IGF2BP2: variants seen among roughly 807,000 people sequenced by gnomAD.
The protein encoded by IGF2BP2 is insulin like growth factor 2 mRNA binding protein 2.
IGF2BP2 carries 17 observed loss-of-function variants against 75.8 expected under a neutral mutation model. The ratio of observed to expected loss-of-function variants is 0.22; its 90% CI spans 0.15 to 0.34. IGF2BP2 has a LOEUF of 0.34. Among genes scored for constraint, IGF2BP2 ranks in the 10% least tolerant of loss-of-function variants. IGF2BP2 has a pLI of 1.00. For synonymous variants in IGF2BP2, 288 were observed against 295.6 expected, an observed-to-expected ratio of 0.97 and a Z score of 0.26; for missense variants, 516 against 772.4, an observed-to-expected ratio of 0.67 and a Z score of 3.93.
At chr3:185,751,570 A>G (rs1730970517) in intron 2 of IGF2BP2, among the ~76,000 whole-genome samples, 1 of 151,844 alleles carries the variant, frequency 6.6e-6, no homozygotes, top group Admixed American at 6.6e-5. Context: ...TGCTTGAGGC[A>G]GGAGACGGAG....
intron 4 of IGF2BP2, among the ~76,000 whole-genome samples, chr3:185,694,562 T>C (rs189168464): frequency 1.4e-4 from 22 of 152,320 alleles, no homozygotes; most frequent in Middle Eastern, 3.4e-3. Flanking sequence ...GAATCACTCA[T>C]GTAACAGGAC....
At chr3:185,811,930 G>A (rs1739944470) in intron 2 of IGF2BP2, among the ~76,000 whole-genome samples, 1 of 150,154 alleles carries the variant, frequency 6.7e-6, no homozygotes, top group Non-Finnish European at 1.5e-5. Context: ...TTAACAACAC[G>A]TAGCTAAATT....
rs35418660 is a variant in IGF2BP2, at chr3:185,769,830, C to CAAA, written c.239+53320_239+53322dup. ...GGATGATAGAATGAGACCCTGTCTCCAAAAAAAAAAAAAAAAAAAAAAAGA... is the reference window on the plus strand; with the variant it reads ...GGATGATAGAATGAGACCCTGTCTCCAAAAAAAAAAAAAAAAAAAAAAAAAAGA... On this transcript the variant is annotated intron_variant, in intron 2 of 15. Transcript: ENST00000382199. Among the ~76,000 whole-genome samples, 322 of 77,120 alleles carry CAAA rather than the reference C, an allele frequency of 4.2e-3. 1 individual carries two copies. Among genetic ancestry groups the CAAA allele is most frequent in the African/African-American group, 5.1e-3 (107 of 20,804 alleles). The allele number at this position is 77,120 out of a possible 152,430, so 50.6% of individuals were successfully genotyped here.
At chr3:185,669,986 T>C (rs1476493495) in intron 10 of IGF2BP2, among the ~76,000 whole-genome samples, 1 of 152,220 alleles carries the variant, frequency 6.6e-6, no homozygotes, top group Non-Finnish European at 1.5e-5. Flanking sequence ...TCCATGCCAT[T>C]GGACCTGCAC....
chr3:185,774,163 T>C (rs1216896364), intron 2 of IGF2BP2, among the ~76,000 whole-genome samples: 1 of 152,110 alleles, frequency 6.6e-6, no homozygotes, highest in Non-Finnish European at 1.5e-5. Flanking sequence ...GTTCATACAA[T>C]TGAGGCGGGT....
chr3:185,729,394 C>T (rs1373475676), intron 2 of IGF2BP2, among the ~76,000 whole-genome samples: 1 of 152,186 alleles, frequency 6.6e-6, no homozygotes, highest in African/African-American at 2.4e-5. Context: ...GCAAATAAAA[C>T]AACTCACAGT....
chr3:185,816,348 G>A (rs144449867), intron 2 of IGF2BP2, among the ~76,000 whole-genome samples: 6 of 152,296 alleles, frequency 3.9e-5, no homozygotes, highest in East Asian at 1.9e-4. Context: ...ATGGGAAGAC[G>A]TGCAATGCTA....
At chr3:185,692,811 C>G in intron 4 of IGF2BP2, 49 bp from the exon 5 acceptor site, 5 of 1,557,096 alleles carry the variant, frequency 3.2e-6, no homozygotes, top group Non-Finnish European at 3.5e-6. Flanking sequence ...GTGCTGTCAC[C>G]CTCTGGCTTA....
intron 10 of IGF2BP2, among the ~76,000 whole-genome samples, chr3:185,671,493 C>T (rs1408731012): frequency 3.4e-5 from 5 of 147,348 alleles, no homozygotes; most frequent in Admixed American, 1.4e-4. Flanking sequence ...GACAAGATCG[C>T]GCCACTGCAC....
intron 2 of IGF2BP2, among the ~76,000 whole-genome samples, chr3:185,705,146 G>C (rs186706426): frequency 6.2e-4 from 95 of 152,370 alleles, no homozygotes; most frequent in Non-Finnish European, 1.6e-4. Flanking sequence ...GCCCAGGCTA[G>C]AGTGCAGTGG....
At chr3:185,810,201 A>C (rs1384237987) in intron 2 of IGF2BP2, among the ~76,000 whole-genome samples, 1 of 152,204 alleles carries the variant, frequency 6.6e-6, no homozygotes, top group Non-Finnish European at 1.5e-5. Context: ...GCCAACTATC[A>C]GAGTAGTCTG....
chr3:185,728,716 A>G (rs2149501485), intron 2 of IGF2BP2: 1 of 152,316 alleles, frequency 6.6e-6, no homozygotes, highest in East Asian at 1.9e-4. Context: ...AGGTCCAATA[A>G]CCTCCCAAAG....
At chr3:185,680,199 C>A (rs888639499) in intron 7 of IGF2BP2, among the ~76,000 whole-genome samples, 1 of 152,074 alleles carries the variant, frequency 6.6e-6, no homozygotes, top group Non-Finnish European at 1.5e-5. Context: ...AATTTAATAA[C>A]CTAGAAGAAA....
intron 2 of IGF2BP2, among the ~76,000 whole-genome samples, chr3:185,806,613 TGACTG>T (rs1355821081): frequency 1.3e-5 from 2 of 152,252 alleles, no homozygotes; most frequent in Non-Finnish European, 2.9e-5. Flanking sequence ...ACACTATACT[TGACTG>T]AAGTCAAAAC....
chr3:185,677,068 T>TATATATAGAG lies in IGF2BP2; in HGVS notation c.813-1156_813-1155insCTCTATATAT. Among the ~76,000 whole-genome samples the TATATATAGAG allele has an allele frequency of 3.0e-3, 107 of 35,848 alleles. 2 individuals carry two copies. Among genetic ancestry groups the TATATATAGAG allele is most frequent in the African/African-American group, 4.1e-3 (26 of 6,394 alleles). The allele number at this position is 35,848 out of a possible 152,430, so 23.5% of individuals were successfully genotyped here. A position where few individuals can be genotyped will look rare whatever the true frequency, so the allele number is the denominator to read the frequency against. ...AGATATATATATATATATATATATA[T>TATATATAGAG]AGAGAGAGAGAGAGAGAGAGAGAGA... On this transcript the variant is annotated intron_variant, in intron 7 of 15. Transcript: ENST00000382199.
chr3:185,672,546 A>C lies in IGF2BP2; in HGVS notation c.1195T>G (p.Phe399Val). Reference sequence around the variant, plus strand: ...CCACAAGCTGAGCTACTTACAGTGAAGGGGTGGTAGGGGGCAGCGGGGGGA... The same window carrying C: ...CCACAAGCTGAGCTACTTACAGTGACGGGGTGGTAGGGGGCAGCGGGGGGA... ...GAPPAAPYHP[F>V]TTHSGYFSSL... Residue 399 changes from phenylalanine to valine, a missense_variant, in exon 10 of 16, where the codon TTC becomes GTC. By Grantham distance (50) the Phe-to-Val change is conservative. Around this residue, in one of 3 missense-constraint regions of IGF2BP2, gnomAD observed 75 missense variants for 67.4 expected, o/e 1.11. Coordinates refer to ENST00000382199, the MANE Select transcript of IGF2BP2 (RefSeq NM_006548.6). 2.1e-6 allele frequency: 3 copies of C among 1,448,186 alleles called. No individual in the cohort carries two copies. Among genetic ancestry groups the C allele is most frequent in the African/African-American group, 1.4e-5 (1 of 69,518 alleles). 89.7% of individuals were successfully genotyped at this position (1,448,186 alleles called of 1,614,324 possible).
At position 185,727,045 on chromosome 3, in the gene IGF2BP2, C is replaced by T. The variant is rs571482460; in HGVS notation, c.240-28698G>A. On this transcript the variant is annotated intron_variant, in intron 2 of 15. Coordinates refer to ENST00000382199, the MANE Select transcript of IGF2BP2 (RefSeq NM_006548.6). ...ACCAGCCTGGCCAACATCGTGAAAC[C>T]CCATCTCTACTAAAAATACAAAACT... Among the ~76,000 whole-genome samples the T allele has an allele frequency of 7.9e-5, 12 of 151,958 alleles. 1 individual carries two copies. The South Asian group carries it at 2.3e-3, about 29-fold the overall frequency.
intron 10 of IGF2BP2, among the ~76,000 whole-genome samples, chr3:185,659,202 C>T (rs538728036): frequency 8.0e-5 from 12 of 149,422 alleles, no homozygotes; most frequent in Non-Finnish European, 1.6e-4. Flanking sequence ...TATGCCTGGG[C>T]GACAGAGCAA....
chr3:185,665,346 G>A (rs1717239813), intron 10 of IGF2BP2, among the ~76,000 whole-genome samples: 5 of 140,830 alleles, frequency 3.6e-5, no homozygotes, highest in Non-Finnish European at 7.7e-5. Context: ...AGGAGGAGAA[G>A]GAGGAGGAGG....
Sources: gnomAD v4.1 joint callset for allele counts (sites outside exome capture counted in the v4.1 genomes callset) on GRCh38, gnomAD v4.1.1 for gene constraint, gnomAD v4.1.1 regional missense constraint, MANE v1.5 for transcripts, NCBI Gene and HGNC (gene_info 2026-07-23, HGNC 2026-07-21) for gene names.